ABL1: variants seen among roughly 807,000 people sequenced by gnomAD.
The protein encoded by ABL1 is tyrosine-protein kinase ABL1.
ABL1 carries 11 observed loss-of-function variants against 94.7 expected under a neutral mutation model. The ratio of observed to expected loss-of-function variants is 0.12; its 90% CI spans 0.07 to 0.19. The LOEUF (loss-of-function observed/expected upper bound fraction) is 0.19, where lower values mean the gene tolerates loss of function less well. Among genes scored for constraint, ABL1 ranks in the 10% least tolerant of loss-of-function variants. The pLI, the probability that ABL1 is intolerant of heterozygous loss-of-function variation, is 1.00. For synonymous variants in ABL1, 656 were observed against 622.4 expected (o/e 1.05, Z -0.80); for missense variants, 1,082 against 1,489.4 (o/e 0.73, Z 4.50).
At chr9:130,876,940 C>T (rs936770424) in intron 7 of ABL1, among the ~76,000 whole-genome samples, 5 of 146,192 alleles carry the variant, frequency 3.4e-5, no homozygotes, top group South Asian at 4.2e-4. Context: ...GGTTTCACTG[C>T]GTTAGCCAGG....
chr9:130,836,326 C>A (rs1245655013), intron 1 of ABL1, among the ~76,000 whole-genome samples: 2 of 152,038 alleles, frequency 1.3e-5, no homozygotes, highest in African/African-American at 4.8e-5. Context: ...ATTTTTCTTT[C>A]CTGTTGTAGT....
At chr9:130,740,869 C>T (rs1831808602) in intron 1 of ABL1, among the ~76,000 whole-genome samples, 1 of 122,074 alleles carries the variant, frequency 8.2e-6, no homozygotes, top group Non-Finnish European at 1.6e-5. Context: ...CTCTGTTGAA[C>T]TCCTGGTGGC....
At chr9:130,745,788 T>A (rs912245725) in intron 1 of ABL1, among the ~76,000 whole-genome samples, 2 of 152,102 alleles carry the variant, frequency 1.3e-5, no homozygotes, top group Non-Finnish European at 1.5e-5. Flanking sequence ...CCTGCTTACT[T>A]GACTGTGACT....
intron 1 of ABL1, among the ~76,000 whole-genome samples, chr9:130,763,119 C>G (rs114619093): frequency 0.01 from 1,530 of 152,018 alleles, 22 homozygotes; most frequent in African/African-American, 0.036. Flanking sequence ...TTTGTTTCAG[C>G]CTCAGGGCCT....
chr9:130,806,704 T>A (rs185188205), intron 1 of ABL1, among the ~76,000 whole-genome samples: 8 of 152,158 alleles, frequency 5.3e-5, no homozygotes, highest in African/African-American at 1.2e-4. Context: ...TACACAAATA[T>A]AAGTATATAC....
At chr9:130,728,230 A>ATTT (rs55915035) in intron 1 of ABL1, among the ~76,000 whole-genome samples, 3 of 102,574 alleles carry the variant, frequency 2.9e-5, no homozygotes, top group South Asian at 6.7e-4. Context: ...TGTCCAGCTG[A>ATTT]TTTTTTTTTT....
At chr9:130,870,150 G>T (rs961969045) in intron 4 of ABL1, among the ~76,000 whole-genome samples, 2 of 152,180 alleles carry the variant, frequency 1.3e-5, no homozygotes, top group Non-Finnish European at 2.9e-5. Context: ...ATTGGACAAG[G>T]TCTGATTCCA....
chr9:130,716,388 C>T (rs577082960), intron 1 of ABL1, among the ~76,000 whole-genome samples: 2 of 152,188 alleles, frequency 1.3e-5, no homozygotes, highest in South Asian at 2.1e-4. Context: ...TGAGCCACTG[C>T]GCCTGGCTAG....
At chr9:130,802,766 C>G (rs1830073485) in intron 1 of ABL1, among the ~76,000 whole-genome samples, 1 of 152,156 alleles carries the variant, frequency 6.6e-6, no homozygotes, top group African/African-American at 2.4e-5. Context: ...GTGGGTAGTT[C>G]TGGATTGTTT....
chr9:130,840,722 T>C (rs1042203083), intron 1 of ABL1, among the ~76,000 whole-genome samples: 1 of 151,902 alleles, frequency 6.6e-6, no homozygotes, highest in African/African-American at 2.4e-5. Context: ...TCTCACTATG[T>C]CGCCCAGGCT....
intron 1 of ABL1, among the ~76,000 whole-genome samples, 180 bp from the exon 2 acceptor site, chr9:130,853,884 G>A (rs1425167593): frequency 6.6e-6 from 1 of 152,180 alleles, no homozygotes; most frequent in African/African-American, 2.4e-5. Context: ...ACAAGATTTA[G>A]TAAAGGAAGA....
intron 10 of ABL1, among the ~76,000 whole-genome samples, chr9:130,881,727 G>A (rs986262831): frequency 6.6e-6 from 1 of 152,098 alleles, no homozygotes; most frequent in African/African-American, 2.4e-5. Flanking sequence ...GAGGATCCTG[G>A]GGATGGCAAT....
At chr9:130,822,439 CTTTT>C (rs35922505) in intron 1 of ABL1, among the ~76,000 whole-genome samples, 6 of 104,408 alleles carry the variant, frequency 5.7e-5, no homozygotes, top group African/African-American at 7.7e-5. Flanking sequence ...CCCGCCCCTG[CTTTT>C]TTTTTTTTTT....
chr9:130,743,288 G>T (rs983481602), intron 1 of ABL1, among the ~76,000 whole-genome samples: 1 of 152,130 alleles, frequency 6.6e-6, no homozygotes. Context: ...AGCCAGGCTG[G>T]ACTTGAACTC....
chr9:130,875,641 A>G (rs151274222), intron 7 of ABL1, among the ~76,000 whole-genome samples: 90 of 152,166 alleles, frequency 5.9e-4, no homozygotes, highest in African/African-American at 2.1e-3. Context: ...GTGATTTAAT[A>G]TGTTCCTCTG....
At chr9:130,878,317 T>A (rs1831387136) in intron 7 of ABL1, 98 bp from the exon 8 acceptor site, 1 of 1,410,766 alleles carries the variant, frequency 7.1e-7, no homozygotes, top group Non-Finnish European at 9.8e-7. Context: ...GCTGGGGCCA[T>A]CCCTTCTGAG....
chr9:130,839,406 AGTAAC>A (rs1388123954), intron 1 of ABL1, among the ~76,000 whole-genome samples: 1 of 152,198 alleles, frequency 6.6e-6, no homozygotes, highest in Non-Finnish European at 1.5e-5. Flanking sequence ...TCCCTTGTTC[AGTAAC>A]AAAGAAAGTG....
chr9:130,750,644 C>CTTTTTTTTTTTTTTTTT (rs71389345), intron 1 of ABL1, among the ~76,000 whole-genome samples: 18 of 87,280 alleles, frequency 2.1e-4, no homozygotes, highest in Non-Finnish European at 2.9e-4. Flanking sequence ...CTTTTTCTTT[C>CTTTTTTTTTTTTTTTTT]TTTTTTTTTT....
intron 1 of ABL1, among the ~76,000 whole-genome samples, chr9:130,781,347 G>T (rs1249812272): frequency 6.6e-6 from 1 of 152,120 alleles, no homozygotes; most frequent in African/African-American, 2.4e-5. Flanking sequence ...CCTCTCACTT[G>T]CCCGTGTGGG....
Sources: allele counts gnomAD v4.1 joint callset (sites outside exome capture counted in the v4.1 genomes callset), GRCh38; gene constraint gnomAD v4.1.1; transcripts MANE v1.5; gene names NCBI Gene and HGNC (gene_info 2026-07-23, HGNC 2026-07-21).